The following DENND3 variants were observed in gnomAD, a reference collection of about 807,000 sequenced individuals.
DENND3 encodes the protein DENN domain-containing protein 3.
In DENND3, 88 loss-of-function variants were observed where a neutral mutation model predicts 135.1. The observed-to-expected ratio is 0.65, with a 90% confidence interval of 0.55 to 0.78. DENND3 has a LOEUF of 0.78. DENND3 is among the 30% of genes least tolerant of loss of function. DENND3 has a pLI of 0.00. For missense variants in DENND3, 1,392 were observed against 1,688.4 expected (o/e 0.82, Z 3.08); for synonymous variants, 693 against 712.3 (o/e 0.97, Z 0.43).
At chr8:141,129,677 T>A (rs1815712865) in intron 1 of DENND3, 1 of 152,174 alleles carries the variant, frequency 6.6e-6, no homozygotes, top group Non-Finnish European at 1.5e-5. Context: ...TCTGCACAGG[T>A]CCGTTCATCT....
intron 3 of DENND3, among the ~76,000 whole-genome samples, chr8:141,140,851 C>T (rs1007620243): frequency 7.2e-5 from 11 of 152,214 alleles, no homozygotes; most frequent in South Asian, 2.1e-4. Flanking sequence ...GTGTGGGTGC[C>T]GCTTCCTGTG....
At chr8:141,148,322 C>T (rs542185382) in intron 5 of DENND3, among the ~76,000 whole-genome samples, 3 of 152,262 alleles carry the variant, frequency 2.0e-5, no homozygotes, top group South Asian at 2.1e-4. Flanking sequence ...CCCTGGTTCC[C>T]GTTCAGCCCC....
rs113292087 is a variant in DENND3 at position 141,133,066 on chromosome 8, G to A, written c.103-3443G>A. Among the ~76,000 whole-genome samples, 4 of 152,226 alleles carry A rather than the reference G, an allele frequency of 2.6e-5. No individual in the cohort carries two copies. In the East Asian group the frequency reaches 7.7e-4, roughly 29 times the overall value. Reference sequence around the variant, plus strand: ...GCTCCAGGGGGTGATGAGCTGGGAGGTGGAGGCCTGGAGGAGCCTGTGGTC... The same window carrying A: ...GCTCCAGGGGGTGATGAGCTGGGAGATGGAGGCCTGGAGGAGCCTGTGGTC... On this transcript the variant is annotated intron_variant, in intron 1 of 22. Coordinates refer to ENST00000519811, the MANE Select transcript of DENND3 (RefSeq NM_001352890.3).
At chr8:141,151,513 A>G in intron 6 of DENND3, 106 bp from the exon 7 acceptor site, 1 of 1,077,072 alleles carries the variant, frequency 9.3e-7, no homozygotes, top group Non-Finnish European at 1.4e-6. Context: ...GTGAGCTATG[A>G]TCACACCACT....
chr8:141,170,019 C>T (rs940105084), intron 13 of DENND3, among the ~76,000 whole-genome samples: 3 of 152,230 alleles, frequency 2.0e-5, no homozygotes, highest in East Asian at 1.9e-4. Context: ...GCGGGGGCCG[C>T]GCCTCCATGC....
chr8:141,159,236 G>A (rs575684141), intron 8 of DENND3, among the ~76,000 whole-genome samples: 6 of 152,182 alleles, frequency 3.9e-5, no homozygotes, highest in Non-Finnish European at 5.9e-5. Context: ...CCAGAATCCC[G>A]TTCTTCCCTT....
chr8:141,193,736 ATC>A (rs1241243350), intron 22 of DENND3: 3 of 490,298 alleles, frequency 6.1e-6, no homozygotes, highest in African/African-American at 3.8e-5. Flanking sequence ...TAATTACCAT[ATC>A]TGTCACCTCA....
chr8:141,185,294 G>A lies in DENND3; in HGVS notation c.3084+16G>A, dbSNP rs1345730582. 14 of 1,613,548 alleles carry A rather than the reference G, an allele frequency of 8.7e-6. No individual in the cohort carries two copies. The highest frequency in any genetic ancestry group is 2.2e-5 in the East Asian group (1 of 44,886). On this transcript the variant is annotated intron_variant, in intron 18 of 22. Transcript: ENST00000519811. Reference sequence around the variant, plus strand: ...TGCAAAAGTGGTGAGTACACGAAGCGTCAGGAAAGAAGCCTCTGAATTCAC... The same window carrying A: ...TGCAAAAGTGGTGAGTACACGAAGCATCAGGAAAGAAGCCTCTGAATTCAC...
chr8:141,194,112 T>G lies in DENND3; in HGVS notation c.3716T>G (p.Val1239Gly), dbSNP rs747754944. 6.2e-7 allele frequency: 1 copy of G among 1,613,642 alleles called. No homozygotes were observed. Among genetic ancestry groups the G allele is most frequent in the Admixed American group, 1.7e-5 (1 of 59,988 alleles). The change falls in exon 23 of 23, where the codon GTG (valine) becomes GGG (glycine). Residue 1239 changes from valine to glycine, a missense_variant. Coordinates refer to ENST00000519811, the MANE Select transcript of DENND3 (RefSeq NM_001352890.3). ...GTGATTGACGCCGAGAGGAAGACCG[T>G]GGAGAAGGAGCTGGTGGCGCACATG... is the stretch of plus-strand genomic sequence containing the variant. ...IYVIDAERKT[V>G]EKELVAHMDT...
At chr8:141,191,094 G>A (rs1352222232) in intron 20 of DENND3, among the ~76,000 whole-genome samples, 1 of 152,240 alleles carries the variant, frequency 6.6e-6, no homozygotes, top group Non-Finnish European at 1.5e-5. Flanking sequence ...TGCTCAGTTT[G>A]TTGTGTTTTG....
At chr8:141,136,890 C>A in intron 2 of DENND3, 99 bp downstream of exon 2, 1 of 1,344,618 alleles carries the variant, frequency 7.4e-7, no homozygotes, top group South Asian at 1.7e-5. Flanking sequence ...GTGACGTGAG[C>A]GGCAGAGCCA....
intron 5 of DENND3, among the ~76,000 whole-genome samples, chr8:141,145,678 G>A (rs888914260): frequency 3.3e-5 from 5 of 151,596 alleles, no homozygotes; most frequent in Non-Finnish European, 5.9e-5. Flanking sequence ...GCACTTCAGT[G>A]GTTAGCATGT....
At chr8:141,179,171 C>T (rs997326387) in intron 16 of DENND3, among the ~76,000 whole-genome samples, 6 of 152,258 alleles carry the variant, frequency 3.9e-5, no homozygotes, top group Admixed American at 1.3e-4. Context: ...ATCCCTCTCC[C>T]ACGTGACCCA....
chr8:141,163,113 G>A (rs1297786375), intron 9 of DENND3, among the ~76,000 whole-genome samples: 1 of 152,216 alleles, frequency 6.6e-6, no homozygotes, highest in East Asian at 1.9e-4. Flanking sequence ...GGTGAGAACA[G>A]GAACACTGCC....
In DENND3 at chr8:141,176,579, C is replaced by T. The variant is rs778231161; in HGVS notation, c.2536-12C>T. On this transcript the variant is annotated splice_polypyrimidine_tract_variant and intron_variant, in intron 14 of 22. Transcript: ENST00000519811. The stretch of plus-strand genomic sequence containing the variant: ...GTGTGACATTCCTAACTTTTCTTTT[C>T]TGCCTCTGCAGGAGGTCAGGAGAAC... 6.2e-7 allele frequency: 1 copy of T among 1,614,174 alleles called. No homozygotes were observed. The highest frequency in any genetic ancestry group is 1.6e-4 in the Middle Eastern group (1 of 6,062).
At chr8:141,178,655 C>T (rs11995968) in intron 16 of DENND3, among the ~76,000 whole-genome samples, 3,469 of 152,224 alleles carry the variant, frequency 0.023, 140 homozygotes, top group African/African-American at 0.077. Context: ...TGTTGACTGA[C>T]GGGCTTCACC....
At chr8:141,187,174 ATTTT>A (rs201749617) in intron 18 of DENND3, among the ~76,000 whole-genome samples, 5 of 145,582 alleles carry the variant, frequency 3.4e-5, no homozygotes, top group African/African-American at 1.0e-4. Flanking sequence ...GCATGATAGG[ATTTT>A]TTTTTTTTTA....
intron 19 of DENND3, 28 bp downstream of exon 19, chr8:141,189,174 G>A: frequency 1.2e-6 from 2 of 1,613,878 alleles, no homozygotes; most frequent in South Asian, 1.1e-5. Flanking sequence ...GGGGAGAAGG[G>A]ACTGTTTGGC....
chr8:141,156,220 C>T (rs1250247619), intron 8 of DENND3, among the ~76,000 whole-genome samples: 1 of 152,120 alleles, frequency 6.6e-6, no homozygotes, highest in African/African-American at 2.4e-5. Context: ...CTGCCTCAGC[C>T]TCCCAAGTAG....
Sources: gnomAD v4.1 joint callset for allele counts (sites outside exome capture counted in the v4.1 genomes callset) on GRCh38, gnomAD v4.1.1 for gene constraint, MANE v1.5 for transcripts, NCBI Gene and HGNC (gene_info 2026-07-23, HGNC 2026-07-21) for gene names.